Variants in EPM2A observed in about 807,000 individuals in gnomAD.
EPM2A encodes laforin.
EPM2A carries 21 observed loss-of-function variants against 26.5 expected under a neutral mutation model. The ratio of observed to expected loss-of-function variants is 0.79; its 90% CI spans 0.56 to 1.14. The LOEUF (loss-of-function observed/expected upper bound fraction) is 1.14. Among genes scored for constraint, EPM2A ranks in the 50% most tolerant of loss-of-function variants. The pLI is 0.00. For missense variants in EPM2A, 458 were observed against 440.8 expected, an observed-to-expected ratio of 1.04 and a Z score of -0.35; for synonymous variants, 217 against 177.6, an observed-to-expected ratio of 1.22 and a Z score of -1.76.
At chr6:145,420,202 C>G (rs964778449) in intron 4 of EPM2A, among the ~76,000 whole-genome samples, 1 of 152,014 alleles carries the variant, frequency 6.6e-6, no homozygotes, top group Non-Finnish European at 1.5e-5. Flanking sequence ...AGTATTCAAG[C>G]CAATAATATT....
At chr6:145,580,676 C>T (rs71566419) in intron 2 of EPM2A, among the ~76,000 whole-genome samples, 1 of 152,144 alleles carries the variant, frequency 6.6e-6, no homozygotes, top group South Asian at 2.1e-4. Flanking sequence ...CTCCCACCCT[C>T]TACTCTAAAG....
At chr6:145,639,825 T>C (rs1776958466) in intron 2 of EPM2A, 1 of 152,188 alleles carries the variant, frequency 6.6e-6, no homozygotes, top group Non-Finnish European at 1.5e-5. Context: ...ATATTTAATA[T>C]AGTCCTATGC....
At chr6:145,580,228 G>T (rs1316465051) in intron 2 of EPM2A, among the ~76,000 whole-genome samples, 3 of 152,184 alleles carry the variant, frequency 2.0e-5, no homozygotes, top group African/African-American at 7.2e-5. Context: ...CTATAAGGCT[G>T]CCAGAGATGA....
intron 2 of EPM2A, among the ~76,000 whole-genome samples, chr6:145,543,054 C>T (rs1339376406): frequency 6.6e-6 from 1 of 152,168 alleles, no homozygotes; most frequent in Non-Finnish European, 1.5e-5. Flanking sequence ...GTGTGAGCCA[C>T]TGCACACAGC....
chr6:145,599,927 A>C (rs1781394999), intron 2 of EPM2A, among the ~76,000 whole-genome samples: 1 of 152,090 alleles, frequency 6.6e-6, no homozygotes, highest in Admixed American at 6.5e-5. Context: ...TTACAAGTAT[A>C]TTTCTTTGGC....
At chr6:145,467,583 T>C (rs1779416079) in intron 4 of EPM2A, among the ~76,000 whole-genome samples, 1 of 152,276 alleles carries the variant, frequency 6.6e-6, no homozygotes, top group South Asian at 2.1e-4. Flanking sequence ...TATTATTACA[T>C]TTTTCTCTTT....
At chr6:145,444,421 C>A (rs1431848560) in intron 4 of EPM2A, among the ~76,000 whole-genome samples, 2 of 152,158 alleles carry the variant, frequency 1.3e-5, no homozygotes, top group Non-Finnish European at 2.9e-5. Context: ...TAGGTCGAAC[C>A]AACCTTGCAT....
intron 4 of EPM2A, among the ~76,000 whole-genome samples, chr6:145,385,508 G>T (rs1008062301): frequency 1.3e-5 from 2 of 152,142 alleles, no homozygotes; most frequent in African/African-American, 4.8e-5. Context: ...TTCAAACAAA[G>T]TTACCAAATC....
chr6:145,536,196 T>C (rs544587189), intron 2 of EPM2A, among the ~76,000 whole-genome samples: 21 of 152,218 alleles, frequency 1.4e-4, no homozygotes, highest in Non-Finnish European at 3.1e-4. Flanking sequence ...TCTCAGTTCA[T>C]TTCTAGGATA....
chr6:145,606,574 A>G (rs1259359678), intron 2 of EPM2A, among the ~76,000 whole-genome samples: 2 of 152,106 alleles, frequency 1.3e-5, no homozygotes, highest in Non-Finnish European at 2.9e-5. Flanking sequence ...ATAGTTTTTT[A>G]TTGAATATTT....
At chr6:145,486,591 C>T (rs1002210681) in intron 4 of EPM2A, among the ~76,000 whole-genome samples, 6 of 152,092 alleles carry the variant, frequency 3.9e-5, no homozygotes, top group African/African-American at 7.2e-5. Context: ...TGACCTACTT[C>T]TCCCTTTTTT....
At chr6:145,632,544 AAAG>A (rs1360488048) in intron 3 of EPM2A, among the ~76,000 whole-genome samples, 1 of 152,144 alleles carries the variant, frequency 6.6e-6, no homozygotes, top group Non-Finnish European at 1.5e-5. Flanking sequence ...TTTTTTAAAA[AAAG>A]AAATCTACAC....
At chr6:145,511,972 C>A (rs1296085443) in intron 2 of EPM2A, among the ~76,000 whole-genome samples, 1 of 152,102 alleles carries the variant, frequency 6.6e-6, no homozygotes, top group African/African-American at 2.4e-5. Context: ...CACTAACATT[C>A]AAGGCAAGAG....
At chr6:145,409,920 G>A (rs572561643) in intron 4 of EPM2A, among the ~76,000 whole-genome samples, 1 of 152,288 alleles carries the variant, frequency 6.6e-6, no homozygotes, top group South Asian at 2.1e-4. Flanking sequence ...GAGTGACCAA[G>A]GTGAGCATGT....
At chr6:145,462,422 G>A (rs769116243) in intron 4 of EPM2A, among the ~76,000 whole-genome samples, 1 of 152,124 alleles carries the variant, frequency 6.6e-6, no homozygotes, top group African/African-American at 2.4e-5. Flanking sequence ...TATTACATAA[G>A]TATATTTTTC....
chr6:145,498,551 A>G (rs1173274077), downstream of EPM2A, among the ~76,000 whole-genome samples: 1 of 152,164 alleles, frequency 6.6e-6, no homozygotes, highest in African/African-American at 2.4e-5. Flanking sequence ...GAGAGTTTCA[A>G]AGGTCTGTGG....
chr6:145,713,663 T>C (rs1191359275), intron 1 of EPM2A, among the ~76,000 whole-genome samples: 6 of 152,206 alleles, frequency 3.9e-5, no homozygotes, highest in Non-Finnish European at 5.9e-5. Context: ...GAAAACAGTC[T>C]GGAATTTCCT....
intron 1 of EPM2A, among the ~76,000 whole-genome samples, chr6:145,706,914 T>C (rs944308080): frequency 2.0e-5 from 3 of 152,090 alleles, no homozygotes; most frequent in Non-Finnish European, 4.4e-5. Context: ...TTTTGGAAAA[T>C]GATTAAGTCA....
At chr6:145,416,769 T>C (rs991857473) in intron 4 of EPM2A, among the ~76,000 whole-genome samples, 1 of 152,220 alleles carries the variant, frequency 6.6e-6, no homozygotes, top group Non-Finnish European at 1.5e-5. Flanking sequence ...TTTTATGTTA[T>C]TAAAATATTG....
Sources: allele counts gnomAD v4.1 joint callset (sites outside exome capture counted in the v4.1 genomes callset), GRCh38; gene constraint gnomAD v4.1.1; transcripts MANE v1.5; gene names NCBI Gene and HGNC (gene_info 2026-07-23, HGNC 2026-07-21).